RRAGB: variants seen among roughly 807,000 people sequenced by gnomAD.
RRAGB encodes the protein ras-related GTP-binding protein B.
A neutral mutation model predicts 29.3 loss-of-function variants in RRAGB; 6 were observed. That is an observed-to-expected ratio of 0.21 (90% CI 0.11 to 0.40). The LOEUF is 0.40. Ranked by LOEUF, RRAGB falls within the 10% of genes least tolerant of loss-of-function variation. The probability of loss-of-function intolerance (pLI) is 1.00; values close to 1 mark genes in which losing one functional copy is unlikely to be tolerated. For missense variants in RRAGB, 184 were observed against 272.9 expected, an observed-to-expected ratio of 0.67 and a Z score of 2.29; for synonymous variants, 101 against 92.5, an observed-to-expected ratio of 1.09 and a Z score of -0.53.
At position 55,722,282 on chromosome X, in the gene RRAGB, A is replaced by G; in HGVS notation, c.223A>G (p.Thr75Ala). 1 of 1,144,710 alleles carries G rather than the reference A, an allele frequency of 8.7e-7. No homozygotes were observed. Among genetic ancestry groups the G allele is most frequent in the Non-Finnish European group, 1.2e-6 (1 of 837,930 alleles). The allele number at this position is 1,144,710 out of a possible 1,213,427, so 94.3% of individuals were successfully genotyped here. A position where few individuals can be genotyped will look rare whatever the true frequency, so the allele number is the denominator to read the frequency against. ...IARDTRRLGA[T>A]IDVEHSHVRF... ...CAGAGACACACGTCGCCTTGGCGCA[A>G]CAAGTAAGATGTTTTATCTTATTGT... is the stretch of plus-strand genomic sequence containing the variant. Residue 75 changes from threonine (T) to alanine (A), a missense_variant, in exon 3 of 10, where the codon ACA (threonine) becomes GCA (alanine). Transcript: ENST00000374941.
chrX:55,757,811 C>G (rs1292692406), intron 9 of RRAGB, among the ~76,000 whole-genome samples: 3 of 111,451 alleles, frequency 2.7e-5, no homozygotes, highest in African/African-American at 9.8e-5. Flanking sequence ...GTACCACATT[C>G]TCATATTTCT....
rs2034686532 is a variant in RRAGB, at chrX:55,757,440, G to A, written c.943+109G>A. 5.5e-6 allele frequency: 2 copies of A among 365,917 alleles called. 1 individual carries two copies. Among genetic ancestry groups the A allele is most frequent in the African/African-American group, 5.0e-5 (2 of 40,096 alleles). The allele number at this position is 365,917 out of a possible 1,213,427, so 30.2% of individuals were successfully genotyped here. A position where few individuals can be genotyped will look rare whatever the true frequency, so the allele number is the denominator to read the frequency against. On this transcript the variant is annotated intron_variant, in intron 9 of 9. Coordinates refer to ENST00000374941, the MANE Select transcript of RRAGB (RefSeq NM_006064.5). The stretch of plus-strand genomic sequence containing the variant: ...TAAAAGCTATTTTATAGTGGGGATG[G>A]TTACATAACAATGTGAGGGCACTTA...
At chrX:55,743,863 C>G (rs943862995) in intron 5 of RRAGB, among the ~76,000 whole-genome samples, 1 of 111,866 alleles carries the variant, frequency 8.9e-6, no homozygotes, top group African/African-American at 3.3e-5. Flanking sequence ...CAAAGTTCTG[C>G]CCATTGGGAG....
intron 4 of RRAGB, among the ~76,000 whole-genome samples, chrX:55,730,638 G>C (rs1416621224): frequency 8.9e-6 from 1 of 111,870 alleles, no homozygotes; most frequent in Non-Finnish European, 1.9e-5. Flanking sequence ...TACCATTGGA[G>C]TCATTTTAAT....
intron 5 of RRAGB, among the ~76,000 whole-genome samples, chrX:55,749,448 C>G (rs1379801004): frequency 9.3e-6 from 1 of 107,530 alleles, no homozygotes; most frequent in Non-Finnish European, 1.9e-5. Context: ...CTGCCCCGTC[C>G]GGGAGGTGAG....
intron 5 of RRAGB, among the ~76,000 whole-genome samples, chrX:55,733,248 CAA>C (rs1320008689): frequency 8.9e-6 from 1 of 111,970 alleles, no homozygotes; most frequent in Non-Finnish European, 1.9e-5. Flanking sequence ...GAGTTATAAA[CAA>C]GAGATAGTTT....
At chrX:55,740,118 C>T (rs1174117337) in intron 5 of RRAGB, among the ~76,000 whole-genome samples, 2 of 111,062 alleles carry the variant, frequency 1.8e-5, no homozygotes, top group Admixed American at 9.5e-5. Flanking sequence ...GTCAGGAGAT[C>T]GAGACCATCC....
At chrX:55,727,532 C>T (rs1226108176) in intron 3 of RRAGB, 3 of 373,238 alleles carry the variant, frequency 8.0e-6, no homozygotes, top group African/African-American at 2.6e-5. Context: ...TGCTATGCCC[C>T]GCCCCCCCGC....
At chrX:55,720,102 C>A (rs778713629) in intron 2 of RRAGB, among the ~76,000 whole-genome samples, 1 of 111,973 alleles carries the variant, frequency 8.9e-6, no homozygotes, top group South Asian at 3.7e-4. Context: ...AGGAAATGTA[C>A]CATATTTAGC....
chrX:55,751,428 A>T, intron 6 of RRAGB: 1 of 309,768 alleles, frequency 3.2e-6, no homozygotes, highest in Non-Finnish European at 5.6e-6. Flanking sequence ...TGAATTAGCC[A>T]GTTTGGTCAT....
chrX:55,758,318 C>T lies in RRAGB; in HGVS notation c.1016C>T (p.Pro339Leu), dbSNP rs768541982. 1 of 1,197,994 alleles carries T rather than the reference C, an allele frequency of 8.3e-7. No homozygotes were observed. Among genetic ancestry groups the T allele is most frequent in the Non-Finnish European group, 1.1e-6 (1 of 884,748 alleles). Residue 339 changes from proline (P) to leucine (L), a missense_variant, in exon 10 of 10, where the codon CCA becomes CTA. Transcript: ENST00000374941. ...HFEKLERVDGPKQCLLMR is the reference protein window; with the variant it reads ...HFEKLERVDGLKQCLLMR Reference sequence around the variant, plus strand: ...GAAAAGCTGGAAAGAGTGGATGGACCAAAGCAGTGTCTTCTCATGCGCTAA... The same window carrying T: ...GAAAAGCTGGAAAGAGTGGATGGACTAAAGCAGTGTCTTCTCATGCGCTAA...
chrX:55,750,856 A>G (rs1390226482), intron 5 of RRAGB, among the ~76,000 whole-genome samples: 2 of 111,975 alleles, frequency 1.8e-5, no homozygotes, highest in Non-Finnish European at 3.8e-5. Context: ...AGCTTTATTT[A>G]TAAACATAGT....
rs760487014 is a variant in RRAGB at position 55,753,350 on chromosome X, A to G, written c.613-42A>G. 3.0e-5 allele frequency: 35 copies of G among 1,149,913 alleles called. No homozygotes were observed. The South Asian group carries it at 7.2e-4, about 24-fold the overall frequency. The allele number at this position is 1,149,913 out of a possible 1,213,427, so 94.8% of individuals were successfully genotyped here. A position where few individuals can be genotyped will look rare whatever the true frequency, so the allele number is the denominator to read the frequency against. On this transcript the variant is annotated intron_variant, in intron 6 of 9. Transcript: ENST00000374941. ...TACTAATTTCAAAGGTCTGGGACTG[A>G]CTAGCTGTTAATAATAGTACACTGT... is the stretch of plus-strand genomic sequence containing the variant.
chrX:55,751,722 T>C (rs2034532272), intron 6 of RRAGB: 1 of 112,196 alleles, frequency 8.9e-6, no homozygotes, highest in Non-Finnish European at 1.9e-5. Flanking sequence ...CAACCAGAAG[T>C]ACTGTTCCCA....
At chrX:55,727,757 T>C (rs2033534530) in intron 3 of RRAGB, among the ~76,000 whole-genome samples, 2 of 112,407 alleles carry the variant, frequency 1.8e-5, no homozygotes, top group South Asian at 7.3e-4. Flanking sequence ...AGCTTTGAGA[T>C]AGTCATAGGA....
intron 5 of RRAGB, among the ~76,000 whole-genome samples, chrX:55,733,791 G>A (rs1444750334): frequency 9.0e-6 from 1 of 111,149 alleles, no homozygotes; most frequent in African/African-American, 3.3e-5. Context: ...CGTGGCTTTG[G>A]TATTAGGATG....
chrX:55,758,489 A>G lies in RRAGB; in HGVS notation c.*146A>G, dbSNP rs2030123731. 1 of 374,532 alleles carries G rather than the reference A, an allele frequency of 2.7e-6. No homozygotes were observed. Among genetic ancestry groups the G allele is most frequent in the Non-Finnish European group, 4.6e-6 (1 of 216,202 alleles). The allele number at this position is 374,532 out of a possible 1,213,427, so 30.9% of individuals were successfully genotyped here. A position where few individuals can be genotyped will look rare whatever the true frequency, so the allele number is the denominator to read the frequency against. On this transcript the variant is annotated 3_prime_UTR_variant, in exon 10 of 10. Coordinates refer to ENST00000374941, the MANE Select transcript of RRAGB (RefSeq NM_006064.5). ...GTCTTAATGTTTAACCTTGAATGCT[A>G]TTAACTTAAATAGCCATTGAGGAGT... is the stretch of plus-strand genomic sequence containing the variant.
intron 2 of RRAGB, among the ~76,000 whole-genome samples, chrX:55,721,187 T>C (rs2033266566): frequency 9.0e-6 from 1 of 111,622 alleles, no homozygotes; most frequent in Non-Finnish European, 1.9e-5. Context: ...ATCTGTTGTA[T>C]GTTAGGCACT....
intron 8 of RRAGB, among the ~76,000 whole-genome samples, chrX:55,756,942 G>A (rs750741139): frequency 5.4e-5 from 6 of 111,521 alleles, no homozygotes; most frequent in East Asian, 5.6e-4. Context: ...GTGACAGAGC[G>A]AAACTCTTGA....
Sources: gnomAD v4.1 joint callset for allele counts (sites outside exome capture counted in the v4.1 genomes callset) on GRCh38, gnomAD v4.1.1 for gene constraint, MANE v1.5 for transcripts, NCBI Gene and HGNC (gene_info 2026-07-23, HGNC 2026-07-21) for gene names.